The following CALN1 variants were observed in gnomAD, a reference collection of about 807,000 sequenced individuals.
CALN1 encodes calneuron 1.
Under a neutral mutation model 30.6 loss-of-function variants are expected in CALN1, and 17 were observed. The ratio of observed to expected loss-of-function variants is 0.56; its 90% CI spans 0.38 to 0.83. CALN1 has a LOEUF of 0.83. Among genes scored for constraint, CALN1 ranks in the 40% least tolerant of loss-of-function variants. The pLI, the probability that CALN1 is intolerant of heterozygous loss-of-function variation, is 0.00. For missense variants in CALN1, 291 were observed against 354.9 expected, an observed-to-expected ratio of 0.82 and a Z score of 1.45; for synonymous variants, 156 against 131.4, an observed-to-expected ratio of 1.19 and a Z score of -1.28.
intron 2 of CALN1, among the ~76,000 whole-genome samples, chr7:72,291,915 T>A (rs180933977): frequency 1.3e-5 from 2 of 152,064 alleles, no homozygotes; most frequent in Admixed American, 1.3e-4. Context: ...CCTGACCATA[T>A]GTTGAAATTC....
At chr7:71,895,090 G>A (rs1296602145) in intron 5 of CALN1, among the ~76,000 whole-genome samples, 1 of 152,082 alleles carries the variant, frequency 6.6e-6, no homozygotes, top group Non-Finnish European at 1.5e-5. Flanking sequence ...CAGTAGCTGA[G>A]ACCACAAGGG....
chr7:72,029,404 G>A (rs758476900), intron 4 of CALN1, among the ~76,000 whole-genome samples: 2 of 152,086 alleles, frequency 1.3e-5, no homozygotes, highest in African/African-American at 2.4e-5. Context: ...GTGAGCCACC[G>A]TGCCTGGCCA....
At chr7:72,405,290 A>T (rs767557399) in intron 1 of CALN1, among the ~76,000 whole-genome samples, 24 of 152,286 alleles carry the variant, frequency 1.6e-4, no homozygotes, top group Middle Eastern at 3.4e-3. Context: ...ACATACATGC[A>T]CACACACACA....
chr7:72,209,024 CCCTCCTTCCT>C (rs1354521815), intron 3 of CALN1, among the ~76,000 whole-genome samples: 5 of 10,454 alleles, frequency 4.8e-4, no homozygotes, highest in Middle Eastern at 0.045. Flanking sequence ...TTCCTTCCTT[CCCTCCTTCCT>C]TCTCTCTCTC....
At chr7:71,913,303 C>T (rs966243738) in intron 5 of CALN1, among the ~76,000 whole-genome samples, 1 of 152,142 alleles carries the variant, frequency 6.6e-6, no homozygotes, top group Non-Finnish European at 1.5e-5. Context: ...CTGCACTTTG[C>T]CACAGAAAGC....
intron 3 of CALN1, among the ~76,000 whole-genome samples, chr7:72,173,663 G>GT (rs1192648478): frequency 2.0e-5 from 3 of 152,120 alleles, no homozygotes; most frequent in African/African-American, 7.2e-5. Context: ...AGGTGCTAAG[G>GT]TAATTCAGTG....
chr7:72,133,803 T>C (rs1453698613), intron 3 of CALN1, among the ~76,000 whole-genome samples: 1 of 152,202 alleles, frequency 6.6e-6, no homozygotes, highest in Non-Finnish European at 1.5e-5. Flanking sequence ...GTGATATTTC[T>C]GCAAAAGCTG....
At chr7:71,944,035 G>A (rs1163469650) in intron 5 of CALN1, among the ~76,000 whole-genome samples, 3 of 152,164 alleles carry the variant, frequency 2.0e-5, no homozygotes, top group Admixed American at 6.5e-5. Context: ...CAAGAGTTAA[G>A]CCTAAAACAA....
At chr7:72,079,375 C>G (rs1804962618) in intron 4 of CALN1, among the ~76,000 whole-genome samples, 1 of 152,094 alleles carries the variant, frequency 6.6e-6, no homozygotes, top group South Asian at 2.1e-4. Flanking sequence ...CCATATAAAA[C>G]CAAGGTGTTA....
At chr7:71,960,196 A>G (rs866287638) in intron 5 of CALN1, among the ~76,000 whole-genome samples, 1 of 151,118 alleles carries the variant, frequency 6.6e-6, no homozygotes, top group Admixed American at 6.6e-5. Context: ...ATAAAATAAA[A>G]AAATAAAATA....
In CALN1 at chr7:72,310,701, C is replaced by T. The variant is rs1008837967; in HGVS notation, c.120-31891G>A. Among the ~76,000 whole-genome samples the T allele has an allele frequency of 4.0e-5, 6 of 151,810 alleles. No individual in the cohort carries two copies. The South Asian group carries it at 1.0e-3, about 26-fold the overall frequency. On this transcript the variant is annotated intron_variant, in intron 2 of 6. Transcript: ENST00000395275. ...AGTGGATCACCTGAGGCCGGGAGTT[C>T]GAGACCAGCCTGGTCAACATGATGA...
chr7:71,854,701 T>C (rs1790842295), intron 5 of CALN1, among the ~76,000 whole-genome samples: 1 of 152,220 alleles, frequency 6.6e-6, no homozygotes, highest in Non-Finnish European at 1.5e-5. Flanking sequence ...GTTGCCAAAC[T>C]CTCTCGAAAG....
intron 5 of CALN1, among the ~76,000 whole-genome samples, chr7:71,853,425 T>C (rs149708603): frequency 1.7e-4 from 26 of 152,280 alleles, no homozygotes; most frequent in African/African-American, 6.3e-4. Flanking sequence ...CATTATCTCA[T>C]ATGCTTATCA....
At chr7:72,128,291 T>C (rs928744435) in intron 3 of CALN1, among the ~76,000 whole-genome samples, 1 of 152,176 alleles carries the variant, frequency 6.6e-6, no homozygotes, top group African/African-American at 2.4e-5. Flanking sequence ...TCTGTATGCA[T>C]GCAGAAATTT....
intron 2 of CALN1, among the ~76,000 whole-genome samples, chr7:72,347,683 T>TA (rs1802718759): frequency 6.6e-6 from 1 of 152,176 alleles, no homozygotes; most frequent in Non-Finnish European, 1.5e-5. Context: ...TAGTACAACT[T>TA]ACAATCATTG....
At chr7:71,848,393 G>A (rs1790443596) in intron 5 of CALN1, among the ~76,000 whole-genome samples, 1 of 152,156 alleles carries the variant, frequency 6.6e-6, no homozygotes, top group South Asian at 2.1e-4. Flanking sequence ...AGACCAAAGA[G>A]GAAGACCAAG....
chr7:72,128,471 T>C (rs999237103), intron 3 of CALN1, among the ~76,000 whole-genome samples: 1 of 152,188 alleles, frequency 6.6e-6, no homozygotes, highest in African/African-American at 2.4e-5. Context: ...AACAAACTCA[T>C]AATTCCTATT....
the CALN1 span, among the ~76,000 whole-genome samples, chr7:72,487,062 C>T: frequency 1.2e-4 from 18 of 151,974 alleles, no homozygotes; most frequent in Non-Finnish European, 2.2e-4. Context: ...CCTCTTCTTT[C>T]TTTCTGGAGA....
chr7:71,791,062 G>A (rs1260440324), intron 6 of CALN1, among the ~76,000 whole-genome samples: 2 of 152,138 alleles, frequency 1.3e-5, no homozygotes, highest in Admixed American at 6.5e-5. Flanking sequence ...CAAACTCCTG[G>A]TATTAATACC....
Sources: gnomAD v4.1 joint callset for allele counts (sites outside exome capture counted in the v4.1 genomes callset) on GRCh38, gnomAD v4.1.1 for gene constraint, MANE v1.5 for transcripts, NCBI Gene and HGNC (gene_info 2026-07-23, HGNC 2026-07-21) for gene names.